The following CNTN5 variants were observed in gnomAD, a reference collection of about 807,000 sequenced individuals.
CNTN5 encodes contactin-5.
A neutral mutation model predicts 129.1 loss-of-function variants in CNTN5; 77 were observed. The observed-to-expected ratio is 0.60, with a 90% CI of 0.50 to 0.72. The LOEUF (loss-of-function observed/expected upper bound fraction) is 0.72, where lower values mean the gene tolerates loss of function less well. Among genes scored for constraint, CNTN5 ranks in the 30% least tolerant of loss-of-function variants. The probability of loss-of-function intolerance (pLI) is 0.00; values close to 1 mark genes in which losing one functional copy is unlikely to be tolerated. For missense variants in CNTN5, 1,478 were observed against 1,328.8 expected, an observed-to-expected ratio of 1.11 and a Z score of -1.75; for synonymous variants, 509 against 465.6, an observed-to-expected ratio of 1.09 and a Z score of -1.20.
At chr11:99,543,898 G>C (rs2135502968) in intron 2 of CNTN5, among the ~76,000 whole-genome samples, 1 of 114,754 alleles carries the variant, frequency 8.7e-6, no homozygotes, top group East Asian at 3.0e-4. Context: ...TCCAGCTTGG[G>C]TAACAGAGAG....
intron 6 of CNTN5, among the ~76,000 whole-genome samples, chr11:99,904,166 C>T (rs1949432852): frequency 6.6e-6 from 1 of 152,066 alleles, no homozygotes; most frequent in East Asian, 1.9e-4. Context: ...TTCTTGAATA[C>T]ATGTACAGAA....
At chr11:99,836,136 T>TC (rs1245164351) in intron 4 of CNTN5, among the ~76,000 whole-genome samples, 2 of 151,752 alleles carry the variant, frequency 1.3e-5, no homozygotes, top group African/African-American at 4.8e-5. Flanking sequence ...TTTTTTTTTT[T>TC]TTAATTTTTC....
chr11:99,027,419 A>G (rs935690439), intron 1 of CNTN5, among the ~76,000 whole-genome samples: 1 of 151,594 alleles, frequency 6.6e-6, no homozygotes, highest in African/African-American at 2.4e-5. Context: ...AGCATTTGAT[A>G]ATAAAGCAGA....
chr11:100,139,443 T>C (rs915832969), intron 13 of CNTN5, among the ~76,000 whole-genome samples: 1 of 152,202 alleles, frequency 6.6e-6, no homozygotes, highest in Admixed American at 6.5e-5. Context: ...GGTGCTGATA[T>C]GTCAAGTAAA....
intron 3 of CNTN5, among the ~76,000 whole-genome samples, chr11:99,620,068 T>C (rs12807623): frequency 0.44 from 64,361 of 145,908 alleles, 15,041 homozygotes; most frequent in Admixed American, 0.58. Flanking sequence ...AGTTGAGGGC[T>C]CTAAGCAATG....
At chr11:100,109,896 T>C (rs1177252320) in intron 13 of CNTN5, among the ~76,000 whole-genome samples, 2 of 152,066 alleles carry the variant, frequency 1.3e-5, no homozygotes, top group Non-Finnish European at 2.9e-5. Context: ...AGGCAAAACA[T>C]AGCCATGTGT....
At chr11:100,309,799 C>G (rs1245658097) in intron 21 of CNTN5, 1 of 563,234 alleles carries the variant, frequency 1.8e-6, no homozygotes, top group Non-Finnish European at 2.2e-6. Context: ...GGACACGTGC[C>G]TCCTCCAACT....
chr11:99,523,658 ACAGAT>A (rs1299126946), intron 2 of CNTN5, among the ~76,000 whole-genome samples: 12,352 of 78,256 alleles, frequency 0.16, 621 homozygotes, highest in African/African-American at 0.23. Context: ...ATAGAACAGA[ACAGAT>A]CAGAACAGAA....
intron 1 of CNTN5, among the ~76,000 whole-genome samples, chr11:99,093,324 G>T (rs1866330232): frequency 6.6e-6 from 1 of 152,032 alleles, no homozygotes; most frequent in Non-Finnish European, 1.5e-5. Flanking sequence ...GATCTCTGTT[G>T]CCAGACACTA....
chr11:100,297,790 C>G, intron 19 of CNTN5, 95 bp downstream of exon 19: 1 of 909,276 alleles, frequency 1.1e-6, no homozygotes, highest in Non-Finnish European at 1.7e-6. Flanking sequence ...CCACTTGATT[C>G]ATTTAGAGGC....
intron 2 of CNTN5, among the ~76,000 whole-genome samples, chr11:99,331,162 G>A (rs1865984439): frequency 1.3e-5 from 2 of 152,076 alleles, no homozygotes; most frequent in South Asian, 4.1e-4. Context: ...GTGTTTTGGG[G>A]ACAGGGTAGA....
chr11:100,129,717 G>C (rs1946312112), intron 13 of CNTN5, among the ~76,000 whole-genome samples: 1 of 152,038 alleles, frequency 6.6e-6, no homozygotes, highest in Admixed American at 6.6e-5. Context: ...ATATCACAGA[G>C]GATTATCTTA....
intron 2 of CNTN5, among the ~76,000 whole-genome samples, chr11:99,390,551 G>A (rs180734398): frequency 1.9e-3 from 288 of 152,212 alleles, no homozygotes; most frequent in African/African-American, 6.6e-3. Context: ...TTGGACTTCA[G>A]ATTCACACCA....
chr11:99,144,079 T>C (rs1476114560), intron 1 of CNTN5, among the ~76,000 whole-genome samples: 1 of 152,218 alleles, frequency 6.6e-6, no homozygotes, highest in Non-Finnish European at 1.5e-5. Context: ...CACTAATTTC[T>C]GGAGATTTAA....
chr11:99,276,480 G>A (rs1428848788), intron 1 of CNTN5, among the ~76,000 whole-genome samples: 2 of 151,398 alleles, frequency 1.3e-5, no homozygotes, highest in Admixed American at 1.3e-4. Context: ...ATTGAGTTCA[G>A]ATCCCAGCTT....
chr11:100,005,609 A>G (rs562662119), intron 9 of CNTN5, among the ~76,000 whole-genome samples: 6 of 152,218 alleles, frequency 3.9e-5, no homozygotes, highest in African/African-American at 1.4e-4. Flanking sequence ...CTCAAAGCAT[A>G]TTTTCATGTC....
chr11:99,337,442 A>G (rs182049290), intron 2 of CNTN5, among the ~76,000 whole-genome samples: 21 of 152,330 alleles, frequency 1.4e-4, no homozygotes, highest in Admixed American at 1.1e-3. Context: ...TAAATTAACT[A>G]AAAGTATCCC....
At chr11:99,898,325 A>C (rs1949263596) in intron 6 of CNTN5, among the ~76,000 whole-genome samples, 1 of 152,080 alleles carries the variant, frequency 6.6e-6, no homozygotes, top group Admixed American at 6.6e-5. Context: ...AGCTAGCCTA[A>C]GGAAAAAAAA....
At chr11:100,187,408 A>AC (rs1422292946) in intron 13 of CNTN5, among the ~76,000 whole-genome samples, 1 of 95,584 alleles carries the variant, frequency 1.0e-5, no homozygotes. Flanking sequence ...CAAGCTGCCA[A>AC]CGGTTTTTTT....
Sources: gnomAD v4.1 joint callset for allele counts (sites outside exome capture counted in the v4.1 genomes callset) on GRCh38, gnomAD v4.1.1 for gene constraint, MANE v1.5 for transcripts, NCBI Gene and HGNC (gene_info 2026-07-23, HGNC 2026-07-21) for gene names.